Variants in RAB6A observed in about 807,000 individuals in gnomAD.
RAB6A encodes ras-related protein Rab-6A.
RAB6A carries 8 observed loss-of-function variants against 32.3 expected under a neutral mutation model. The ratio of observed to expected loss-of-function variants is 0.25; its 90% CI spans 0.15 to 0.45. RAB6A has a LOEUF of 0.45. Among genes scored for constraint, RAB6A ranks in the 20% least tolerant of loss-of-function variants. The pLI is 1.00. For synonymous variants in RAB6A, 73 were observed against 82.1 expected (o/e 0.89, Z 0.60); for missense variants, 104 against 249.4 (o/e 0.42, Z 3.93).
Position 73,676,246 on chromosome 11 carries a change from A to G in RAB6A, c.*1652T>C, listed in dbSNP as rs909728584. 1 of 167,132 alleles carries G rather than the reference A, an allele frequency of 6.0e-6. No individual in the cohort carries two copies. The highest frequency in any genetic ancestry group is 2.4e-5 in the African/African-American group (1 of 41,462). 10.4% of individuals were successfully genotyped at this position (167,132 alleles called of 1,614,324 possible). ...TTTCATCTTTATACTGTGTTAAGTA[A>G]TGCTTACAACATAAATTCAGCAGGC... On this transcript the variant is annotated 3_prime_UTR_variant, in exon 8 of 8. Coordinates refer to ENST00000336083, the MANE Select transcript of RAB6A (RefSeq NM_198896.2).
intron 1 of RAB6A, among the ~76,000 whole-genome samples, chr11:73,736,558 A>G (rs1444556306): frequency 2.0e-5 from 3 of 151,888 alleles, no homozygotes; most frequent in Non-Finnish European, 2.9e-5. Flanking sequence ...TTGGGAGGCC[A>G]AGGTGGGTAG....
chr11:73,760,202 G>A lies in RAB6A; in HGVS notation c.70+364C>T. On this transcript the variant is annotated intron_variant, in intron 1 of 7. Coordinates refer to ENST00000336083, the MANE Select transcript of RAB6A (RefSeq NM_198896.2). Reference sequence around the variant, plus strand: ...GCTGAGGAACTGGGAAAAGAGCAAGGAATAAGGGTGGGGCTCAAGAAAGGG... The same window carrying A: ...GCTGAGGAACTGGGAAAAGAGCAAGAAATAAGGGTGGGGCTCAAGAAAGGG... The A allele has an allele frequency of 7.3e-6, 7 of 955,090 alleles. 1 individual carries two copies. In the South Asian group the frequency reaches 8.2e-5, roughly 11 times the overall value. The allele number at this position is 955,090 out of a possible 1,614,324, so 59.2% of individuals were successfully genotyped here. A position where few individuals can be genotyped will look rare whatever the true frequency, so the allele number is the denominator to read the frequency against.
chr11:73,731,684 T>TTATA (rs1157961323), intron 1 of RAB6A, among the ~76,000 whole-genome samples: 250 of 14,148 alleles, frequency 0.018, 2 homozygotes, highest in Middle Eastern at 0.029. Context: ...TAGATAGATA[T>TTATA]TATATATATA....
At chr11:73,710,444 C>T (rs992121954) in intron 5 of RAB6A, among the ~76,000 whole-genome samples, 4 of 151,524 alleles carry the variant, frequency 2.6e-5, no homozygotes, top group Admixed American at 2.0e-4. Flanking sequence ...TTACTAAAAA[C>T]AGTTAAGATC....
At chr11:73,750,348 C>CTT (rs987571298) in intron 1 of RAB6A, among the ~76,000 whole-genome samples, 4 of 144,360 alleles carry the variant, frequency 2.8e-5, no homozygotes, top group Non-Finnish European at 3.1e-5. Flanking sequence ...ATTTCCTTCC[C>CTT]TTTTTTTTTT....
intron 6 of RAB6A, among the ~76,000 whole-genome samples, chr11:73,694,670 C>T (rs894725232): frequency 7.9e-5 from 12 of 152,094 alleles, no homozygotes; most frequent in Non-Finnish European, 1.5e-4. Context: ...CCCAGAAGTT[C>T]GAGATCAGCC....
chr11:73,695,546 AT>A (rs1271335484), intron 6 of RAB6A, among the ~76,000 whole-genome samples: 1 of 151,910 alleles, frequency 6.6e-6, no homozygotes, highest in Non-Finnish European at 1.5e-5. Flanking sequence ...TGTCTGGCTA[AT>A]TTTTTTGTAT....
At chr11:73,748,643 C>T (rs1437305875) in intron 1 of RAB6A, among the ~76,000 whole-genome samples, 1 of 152,160 alleles carries the variant, frequency 6.6e-6, no homozygotes, top group Non-Finnish European at 1.5e-5. Flanking sequence ...GCTCCTGATG[C>T]TAGTCTCCGT....
rs1236430874 is a variant in RAB6A at position 73,723,454 on chromosome 11, C to T, written c.130-2555G>A. 4.6e-5 allele frequency among the ~76,000 whole-genome samples: 7 copies of T among 152,120 alleles called. No individual in the cohort carries two copies. In the South Asian group the frequency reaches 1.0e-3, roughly 23 times the overall value. The stretch of plus-strand genomic sequence containing the variant: ...AATTGTCCTGCCTCAGCTTCCCAAG[C>T]AGCTGAGACTACAGGTGTGCACCAC... On this transcript the variant is annotated intron_variant, in intron 2 of 7. Transcript: ENST00000336083.
At chr11:73,736,136 CACCGTTTTA>C (rs1946390066) in intron 1 of RAB6A, among the ~76,000 whole-genome samples, 1 of 151,930 alleles carries the variant, frequency 6.6e-6, no homozygotes, top group South Asian at 2.1e-4. Flanking sequence ...ATGAGAAATT[CACCGTTTTA>C]AGGCCAGGTG....
At chr11:73,697,863 A>G (rs12791140) in intron 6 of RAB6A, among the ~76,000 whole-genome samples, 5,838 of 152,320 alleles carry the variant, frequency 0.038, 156 homozygotes, top group Middle Eastern at 0.071. Context: ...CCTGATCAAT[A>G]TAATTTCTCT....
Position 73,760,615 on chromosome 11 carries a change from G to A in RAB6A, c.21C>T (p.Phe7=). 2 of 1,611,164 alleles carry A rather than the reference G, an allele frequency of 1.2e-6. No homozygotes were observed. Among genetic ancestry groups the A allele is most frequent in the Non-Finnish European group, 8.5e-7 (1 of 1,178,766 alleles). ...GCTTGAATTTCCTCAGCGGATTCCC[G>A]AAGTCTCCGCCCGTGGACATTGTGG... MSTGGD[F]GNPLRKFKLV... is the part of the protein sequence containing the mutation. Residue 7 remains phenylalanine, a synonymous_variant, in exon 1 of 8, where the codon TTC becomes TTT. Transcript: ENST00000336083.
chr11:73,725,716 T>C (rs1946206966), intron 2 of RAB6A, among the ~76,000 whole-genome samples: 2 of 152,132 alleles, frequency 1.3e-5, no homozygotes, highest in South Asian at 4.1e-4. Flanking sequence ...GTGGGAATTG[T>C]GGGAGTTACA....
At chr11:73,760,185 A>C in intron 1 of RAB6A, 7 of 1,103,554 alleles carry the variant, frequency 6.3e-6, no homozygotes, top group Non-Finnish European at 7.3e-6. Flanking sequence ...GAGCTGAGGA[A>C]CTGGGAAAAG....
At chr11:73,736,246 T>G (rs1474846174) in intron 1 of RAB6A, among the ~76,000 whole-genome samples, 2 of 151,614 alleles carry the variant, frequency 1.3e-5, no homozygotes, top group African/African-American at 4.8e-5. Context: ...CTGGCCAACA[T>G]GGTGAAACCC....
At chr11:73,709,896 T>C (rs375554880) in intron 5 of RAB6A, among the ~76,000 whole-genome samples, 3 of 147,352 alleles carry the variant, frequency 2.0e-5, no homozygotes, top group East Asian at 3.9e-4. Flanking sequence ...TACATATATA[T>C]ACACACACAT....
intron 1 of RAB6A, among the ~76,000 whole-genome samples, chr11:73,743,967 T>C (rs900930216): frequency 1.1e-4 from 17 of 152,130 alleles, no homozygotes; most frequent in African/African-American, 3.9e-4. Context: ...AATCCCAGCA[T>C]TTTGAGAGGC....
intron 6 of RAB6A, among the ~76,000 whole-genome samples, chr11:73,692,242 C>G (rs1031804329): frequency 2.0e-5 from 3 of 152,012 alleles, no homozygotes; most frequent in Non-Finnish European, 2.9e-5. Flanking sequence ...CAGTGGCTCA[C>G]GCCTGTAATC....
chr11:73,701,660 G>GT (rs1289189871), intron 6 of RAB6A, among the ~76,000 whole-genome samples: 6 of 145,826 alleles, frequency 4.1e-5, no homozygotes, highest in African/African-American at 1.7e-4. Flanking sequence ...CGTGTTTTTT[G>GT]TTTTTTATTT....
Sources: allele counts gnomAD v4.1 joint callset (sites outside exome capture counted in the v4.1 genomes callset), GRCh38; gene constraint gnomAD v4.1.1; transcripts MANE v1.5; gene names NCBI Gene and HGNC (gene_info 2026-07-23, HGNC 2026-07-21).